The following CASP4 variants were observed in gnomAD, a reference collection of about 807,000 sequenced individuals.
CASP4 encodes the protein caspase-4.
In CASP4, 29 loss-of-function variants were observed where a neutral mutation model predicts 41.3. The observed-to-expected ratio is 0.70, with a 90% CI of 0.52 to 0.96. CASP4 has a LOEUF of 0.96. Among genes scored for constraint, CASP4 ranks in the 40% least tolerant of loss-of-function variants. CASP4 has a pLI of 0.00. For missense variants in CASP4, 447 were observed against 460.6 expected, an observed-to-expected ratio of 0.97 and a Z score of 0.27; for synonymous variants, 185 against 158.4, an observed-to-expected ratio of 1.17 and a Z score of -1.26.
At chr11:104,945,764 T>A (rs1860443513) in intron 7 of CASP4, among the ~76,000 whole-genome samples, 1 of 152,174 alleles carries the variant, frequency 6.6e-6, no homozygotes, top group African/African-American at 2.4e-5. Context: ...ACTTCCCAGA[T>A]CTCTATTCAC....
chr11:104,966,458 T>C (rs560734081), intron 1 of CASP4, among the ~76,000 whole-genome samples: 4 of 152,242 alleles, frequency 2.6e-5, no homozygotes, highest in East Asian at 3.9e-4. Context: ...ATGAAAAATA[T>C]TATAAGAATG....
chr11:104,951,652 A>G (rs907807684), intron 3 of CASP4: 2 of 528,834 alleles, frequency 3.8e-6, no homozygotes, highest in Non-Finnish European at 6.9e-6. Flanking sequence ...AATTACAAGA[A>G]TAAATACAGG....
At chr11:104,954,376 A>G (rs1300122541) in intron 2 of CASP4, among the ~76,000 whole-genome samples, 4 of 152,122 alleles carry the variant, frequency 2.6e-5, no homozygotes, top group Non-Finnish European at 5.9e-5. Context: ...AAAGTACTGG[A>G]ATTGTCTTCA....
chr11:104,954,757 G>A lies in CASP4; in HGVS notation c.252C>T (p.Pro84=). The change falls in exon 2 of 9, where the codon CCC becomes CCT. Residue 84 remains proline (P), a synonymous_variant. Transcript: ENST00000444739. Reference sequence around the variant, plus strand: ...AAAATCCAGTCTTACCTTTTTTATTGGGGGATATTTGGTCTATGTTAAAAA... The same window carrying A: ...AAAATCCAGTCTTACCTTTTTTATTAGGGGATATTTGGTCTATGTTAAAAA... ...QTFFNIDQIS[P]NKKAHPNMEA... is the part of the protein sequence containing the mutation. 6.2e-7 allele frequency: 1 copy of A among 1,610,108 alleles called. No homozygotes were observed. The highest frequency in any genetic ancestry group is 8.5e-7 in the Non-Finnish European group (1 of 1,178,700).
intron 4 of CASP4, among the ~76,000 whole-genome samples, chr11:104,950,642 G>T (rs556387732): frequency 6.6e-6 from 1 of 151,958 alleles, no homozygotes; most frequent in East Asian, 1.9e-4. Flanking sequence ...AATTTTCTGG[G>T]GATTTTCGGG....
chr11:104,961,454 C>T (rs1180508424), intron 1 of CASP4, among the ~76,000 whole-genome samples: 2 of 151,632 alleles, frequency 1.3e-5, no homozygotes, highest in African/African-American at 4.9e-5. Context: ...ATGCCTCCTT[C>T]CTTCTCTCGA....
At chr11:104,952,632 G>A (rs1308077548) in intron 2 of CASP4, among the ~76,000 whole-genome samples, 2 of 152,070 alleles carry the variant, frequency 1.3e-5, no homozygotes, top group African/African-American at 4.8e-5. Context: ...TACACATACA[G>A]ATAAATACAT....
chr11:104,965,789 G>T (rs945855728), intron 1 of CASP4, among the ~76,000 whole-genome samples: 1 of 152,148 alleles, frequency 6.6e-6, no homozygotes, highest in Admixed American at 6.6e-5. Flanking sequence ...CCTAGAATTG[G>T]AATGTCCCCA....
At chr11:104,959,168 G>T (rs921224391) in intron 1 of CASP4, among the ~76,000 whole-genome samples, 8 of 151,888 alleles carry the variant, frequency 5.3e-5, no homozygotes, top group Non-Finnish European at 1.0e-4. Context: ...CAATAGCCAA[G>T]ATATAAAATC....
chr11:104,945,463 G>T (rs191613036), intron 7 of CASP4, among the ~76,000 whole-genome samples: 16 of 152,096 alleles, frequency 1.1e-4, no homozygotes, highest in Admixed American at 1.0e-3. Flanking sequence ...TCACTATGTT[G>T]TCCAGGCTGG....
Position 104,953,896 on chromosome 11 carries a change from T to A in CASP4, c.262+851A>T, listed in dbSNP as rs571715173. 5.6e-3 allele frequency among the ~76,000 whole-genome samples: 859 copies of A among 152,306 alleles called. 11 individuals carry two copies. The highest frequency in any genetic ancestry group is 0.019 in the African/African-American group (785 of 41,560). ...TTTTATGGAGATTCTCCTTATCATA[T>A]TTTGTAATTCGCAGAAGTAAGTAAG... On this transcript the variant is annotated intron_variant, in intron 2 of 8. Coordinates refer to ENST00000444739, the MANE Select transcript of CASP4 (RefSeq NM_001225.4).
rs187685034 is a variant in CASP4 at position 104,958,044 on chromosome 11, A to G, written c.8-3043T>C. 3.5e-3 allele frequency among the ~76,000 whole-genome samples: 526 copies of G among 152,344 alleles called. 7 individuals carry two copies. The highest frequency in any genetic ancestry group is 0.012 in the African/African-American group (512 of 41,586). On this transcript the variant is annotated intron_variant, in intron 1 of 8. Coordinates refer to ENST00000444739, the MANE Select transcript of CASP4 (RefSeq NM_001225.4). Reference sequence around the variant, plus strand: ...GGTTTCATGAACACACAACTGGGAAAGAACAAATTCTTCAATAAATGATAT... The same window carrying G: ...GGTTTCATGAACACACAACTGGGAAGGAACAAATTCTTCAATAAATGATAT...
At chr11:104,949,449 G>A (rs1199378292) in intron 5 of CASP4, 94 bp downstream of exon 5, 1 of 1,266,094 alleles carries the variant, frequency 7.9e-7, no homozygotes, top group Non-Finnish European at 1.2e-6. Context: ...TACACTGGAT[G>A]AGGTTTAAGA....
intron 1 of CASP4, among the ~76,000 whole-genome samples, chr11:104,966,970 T>G (rs893868028): frequency 5.9e-5 from 9 of 152,190 alleles, no homozygotes; most frequent in Non-Finnish European, 1.0e-4. Flanking sequence ...TAAGTATTTT[T>G]TAAAGAAATG....
chr11:104,944,842 A>G lies in CASP4; in HGVS notation c.1045T>C (p.Ser349Pro). 1 of 1,610,450 alleles carries G rather than the reference A, an allele frequency of 6.2e-7. No homozygotes were observed. Among genetic ancestry groups the G allele is most frequent in the Non-Finnish European group, 8.5e-7 (1 of 1,176,772 alleles). The part of the protein sequence containing the change: ...LEEVFRKVQQ[S>P]FETPRAKAQM... ...GCTTTGGCCCTTGGAGTTTCAAATG[A>G]TTGCTGTACCTGAAAAAGAAAATAG... The change falls in exon 8 of 9, where the codon TCA becomes CCA. Residue 349 changes from serine (S) to proline (P), a missense_variant. Physicochemically the swap from Ser to Pro is moderately conservative, Grantham distance 74. Coordinates refer to ENST00000444739, the MANE Select transcript of CASP4 (RefSeq NM_001225.4).
At chr11:104,961,321 G>C (rs55947909) in intron 1 of CASP4, among the ~76,000 whole-genome samples, 85 of 152,324 alleles carry the variant, frequency 5.6e-4, no homozygotes, top group African/African-American at 1.9e-3. Context: ...GGATTGGTGA[G>C]TATCCTAGGT....
At chr11:104,945,484 C>T (rs1379127661) in intron 7 of CASP4, among the ~76,000 whole-genome samples, 1 of 152,064 alleles carries the variant, frequency 6.6e-6, no homozygotes, top group Admixed American at 6.5e-5. Flanking sequence ...TCTCAAACTC[C>T]TGACCTCATG....
chr11:104,953,190 G>A (rs984100191), intron 2 of CASP4, among the ~76,000 whole-genome samples: 5 of 152,084 alleles, frequency 3.3e-5, no homozygotes, highest in Non-Finnish European at 7.4e-5. Context: ...GCTGCCCAAA[G>A]AGAGCTGGAT....
chr11:104,968,224 C>T (rs1376963822), intron 1 of CASP4, among the ~76,000 whole-genome samples: 1 of 152,194 alleles, frequency 6.6e-6, no homozygotes, highest in Admixed American at 6.5e-5. Flanking sequence ...TTCGAAACTT[C>T]TAGAATTGTC....
Sources: allele counts gnomAD v4.1 joint callset (sites outside exome capture counted in the v4.1 genomes callset), GRCh38; gene constraint gnomAD v4.1.1; transcripts MANE v1.5; gene names NCBI Gene and HGNC (gene_info 2026-07-23, HGNC 2026-07-21).